The following SLMAP variants were observed in gnomAD, a reference collection of about 807,000 sequenced individuals.
SLMAP encodes sarcolemma associated protein.
A neutral mutation model predicts 128.8 loss-of-function variants in SLMAP; 44 were observed. That is an observed-to-expected ratio of 0.34 (90% confidence interval 0.27 to 0.44). SLMAP has a LOEUF of 0.44. Ranked by LOEUF, SLMAP falls within the 20% of genes least tolerant of loss-of-function variation. The pLI is 1.00. For synonymous variants in SLMAP, 327 were observed against 348.8 expected (o/e 0.94, Z 0.70); for missense variants, 787 against 985.3 (o/e 0.80, Z 2.69).
At chr3:57,776,897 G>A (rs1028100772) in intron 2 of SLMAP, among the ~76,000 whole-genome samples, 1 of 151,734 alleles carries the variant, frequency 6.6e-6, no homozygotes, top group African/African-American at 2.4e-5. Flanking sequence ...AATTATATAT[G>A]GTTCTGGGTA....
chr3:57,898,887 G>T (rs2096301734), intron 17 of SLMAP: 1 of 152,058 alleles, frequency 6.6e-6, no homozygotes, highest in South Asian at 2.1e-4. Context: ...GTATTAGACT[G>T]GCGAAAACCA....
chr3:57,795,215 C>T (rs1306842084), intron 2 of SLMAP, among the ~76,000 whole-genome samples: 1 of 152,110 alleles, frequency 6.6e-6, no homozygotes, highest in Non-Finnish European at 1.5e-5. Flanking sequence ...TTGTATGTAT[C>T]TTTTTTGGAG....
chr3:57,911,795 A>G (rs932163769), intron 19 of SLMAP, among the ~76,000 whole-genome samples: 2 of 152,146 alleles, frequency 1.3e-5, no homozygotes, highest in African/African-American at 2.4e-5. Flanking sequence ...TGTTTTTCAC[A>G]TGAGTCATCA....
chr3:57,831,573 G>A (rs375065826), intron 3 of SLMAP, 43 bp downstream of exon 3: 29 of 1,339,806 alleles, frequency 2.2e-5, no homozygotes, highest in African/African-American at 3.0e-5. Flanking sequence ...TCTTTTAAAG[G>A]TTATTTAATT....
chr3:57,764,329 C>T (rs1374034895), intron 2 of SLMAP, among the ~76,000 whole-genome samples: 1 of 151,894 alleles, frequency 6.6e-6, no homozygotes, highest in East Asian at 1.9e-4. Context: ...TGGTGAAACC[C>T]CACCTCTACG....
chr3:57,885,568 C>CA (rs1247074787), intron 14 of SLMAP, among the ~76,000 whole-genome samples: 1 of 149,560 alleles, frequency 6.7e-6, no homozygotes, highest in African/African-American at 2.5e-5. Flanking sequence ...TACAGGCACC[C>CA]ACCACCACGA....
At chr3:57,885,512 C>T (rs1194869854) in intron 14 of SLMAP, among the ~76,000 whole-genome samples, 104 of 148,994 alleles carry the variant, frequency 7.0e-4, no homozygotes, top group African/African-American at 2.4e-3. Context: ...CTCCACCACC[C>T]GGGTTCAAGC....
Position 57,868,885 on chromosome 3 carries a change from ATATAT to A in SLMAP, c.1238-2745_1238-2741del, listed in dbSNP as rs1485981745. Among the ~76,000 whole-genome samples, 16 of 137,862 alleles carry A rather than the reference ATATAT, an allele frequency of 1.2e-4. No individual in the cohort carries two copies. The East Asian group carries it at 2.2e-3, about 19-fold the overall frequency. 90.4% of individuals were successfully genotyped at this position (137,862 alleles called of 152,430 possible). A position where few individuals can be genotyped will look rare whatever the true frequency, so the allele number is the denominator to read the frequency against. ...TATATATGTGTGTATTATATATAAT[ATATAT>A]TATATATATTATATATGTGTGTATT... is the stretch of plus-strand genomic sequence containing the variant. On this transcript the variant is annotated intron_variant, in intron 13 of 24. Coordinates refer to ENST00000671191, the MANE Select transcript of SLMAP (RefSeq NM_001377540.1).
At position 57,781,413 on chromosome 3, in the gene SLMAP, T is replaced by C. The variant is rs568320520; in HGVS notation, c.198+23564T>C. ...TAAGGAAGCTGTTTATATACTGATA[T>C]GGGAGATTTTCTAAGATATAAATTA... On this transcript the variant is annotated intron_variant, in intron 2 of 24. Coordinates refer to ENST00000671191, the MANE Select transcript of SLMAP (RefSeq NM_001377540.1). Among the ~76,000 whole-genome samples, 7 of 152,280 alleles carry C rather than the reference T, an allele frequency of 4.6e-5. No individual in the cohort carries two copies. The South Asian group carries it at 1.5e-3, about 32-fold the overall frequency.
intron 15 of SLMAP, 154 bp from the exon 16 acceptor site, chr3:57,896,357 A>G (rs2096243891): frequency 1.5e-6 from 2 of 1,377,418 alleles, no homozygotes; most frequent in Non-Finnish European, 1.9e-6. Context: ...CATTTTGGAC[A>G]AGGGTGGTGA....
intron 2 of SLMAP, among the ~76,000 whole-genome samples, chr3:57,784,872 G>A (rs1394270860): frequency 6.6e-6 from 1 of 152,104 alleles, no homozygotes; most frequent in Admixed American, 6.5e-5. Flanking sequence ...ATAGAAGTGA[G>A]TTCTGTCCTG....
chr3:57,839,585 G>A (rs2153560993), intron 3 of SLMAP, among the ~76,000 whole-genome samples: 2 of 151,546 alleles, frequency 1.3e-5, no homozygotes, highest in Admixed American at 1.3e-4. Flanking sequence ...GGGATTGCAG[G>A]CACCTGCCAC....
At chr3:57,881,304 ATTCT>A (rs1222042489) in intron 14 of SLMAP, among the ~76,000 whole-genome samples, 1 of 152,150 alleles carries the variant, frequency 6.6e-6, no homozygotes, top group Non-Finnish European at 1.5e-5. Flanking sequence ...TGACAGGAAA[ATTCT>A]TTCTTGAGTC....
At chr3:57,874,174 C>A (rs2095549934) in intron 14 of SLMAP, among the ~76,000 whole-genome samples, 1 of 152,042 alleles carries the variant, frequency 6.6e-6, no homozygotes, top group African/African-American at 2.4e-5. Flanking sequence ...TGTATGTAGC[C>A]CTAGCTACTC....
chr3:57,853,667 C>A (rs571591150), intron 6 of SLMAP, among the ~76,000 whole-genome samples: 7 of 151,860 alleles, frequency 4.6e-5, no homozygotes, highest in African/African-American at 1.7e-4. Flanking sequence ...TTGGGCTGGG[C>A]ACGGTGGCTA....
At chr3:57,875,845 T>G (rs1182121836) in intron 14 of SLMAP, among the ~76,000 whole-genome samples, 1 of 152,180 alleles carries the variant, frequency 6.6e-6, no homozygotes, top group Non-Finnish European at 1.5e-5. Flanking sequence ...TTGTAAAAAT[T>G]GTTGTGTTTA....
chr3:57,803,236 A>T (rs998668122), intron 2 of SLMAP, among the ~76,000 whole-genome samples: 1 of 152,172 alleles, frequency 6.6e-6, no homozygotes, highest in Non-Finnish European at 1.5e-5. Context: ...GTATATACTC[A>T]TGTTTCCAGT....
At chr3:57,826,253 C>G (rs1447760002) in intron 2 of SLMAP, among the ~76,000 whole-genome samples, 2 of 151,698 alleles carry the variant, frequency 1.3e-5, no homozygotes, top group African/African-American at 4.8e-5. Context: ...AATTATTTTT[C>G]TAATGTCTTT....
At chr3:57,901,332 G>C in intron 17 of SLMAP, 1 of 152,266 alleles carries the variant, frequency 6.6e-6, no homozygotes, top group Non-Finnish European at 1.5e-5. Flanking sequence ...ATGATAAGCT[G>C]ATTATTGGTG....
Sources: allele counts gnomAD v4.1 joint callset (sites outside exome capture counted in the v4.1 genomes callset), GRCh38; gene constraint gnomAD v4.1.1; transcripts MANE v1.5; gene names NCBI Gene and HGNC (gene_info 2026-07-23, HGNC 2026-07-21).